CCDC171: variants seen among roughly 807,000 people sequenced by gnomAD.
CCDC171 encodes coiled-coil domain-containing protein 171.
A neutral mutation model predicts 168.2 loss-of-function variants in CCDC171; 177 were observed. The ratio of observed to expected loss-of-function variants is 1.05; its 90% CI spans 0.93 to 1.19. CCDC171 has a LOEUF of 1.19. Among genes scored for constraint, CCDC171 ranks in the 50% most tolerant of loss-of-function variants. CCDC171 has a pLI of 0.00. For missense variants in CCDC171, 1,991 were observed against 1,539.0 expected, an observed-to-expected ratio of 1.29 and a Z score of -4.91; for synonymous variants, 687 against 540.8, an observed-to-expected ratio of 1.27 and a Z score of -3.75.
chr9:15,890,903 A>G (rs545874560), intron 24 of CCDC171, among the ~76,000 whole-genome samples: 39 of 152,246 alleles, frequency 2.6e-4, no homozygotes, highest in African/African-American at 8.2e-4. Context: ...TCCCAAACCA[A>G]TTTGCTGTAT....
At chr9:15,923,055 T>G (rs1564006916) in intron 25 of CCDC171, among the ~76,000 whole-genome samples, 1 of 151,612 alleles carries the variant, frequency 6.6e-6, no homozygotes, top group African/African-American at 2.4e-5. Flanking sequence ...GCAGAGCTTT[T>G]TAGTTTGATT....
At chr9:15,721,906 A>G (rs1302932758) in intron 12 of CCDC171, 31 bp downstream of exon 12, 1 of 1,245,126 alleles carries the variant, frequency 8.0e-7, no homozygotes, top group Admixed American at 2.3e-5. Flanking sequence ...CTCCACACAT[A>G]TAGCCTTCGG....
chr9:15,894,536 G>T (rs1820649737), intron 24 of CCDC171, among the ~76,000 whole-genome samples: 1 of 151,944 alleles, frequency 6.6e-6, no homozygotes, highest in Admixed American at 6.6e-5. Flanking sequence ...TCTCACTTTG[G>T]CCTTGGGCTC....
intron 3 of CCDC171, among the ~76,000 whole-genome samples, chr9:16,016,709 G>T (rs923507093): frequency 6.6e-6 from 1 of 152,040 alleles, no homozygotes; most frequent in African/African-American, 2.4e-5. Context: ...TTGCCACTTG[G>T]GTCTGCAGAG....
chr9:15,664,567 T>TACACACACACACACACACACACACAC (rs34252519), intron 8 of CCDC171, among the ~76,000 whole-genome samples: 2,280 of 144,004 alleles, frequency 0.016, 46 homozygotes, highest in East Asian at 0.047. Flanking sequence ...CTTAAATTTA[T>TACACACACACACACACACACACACAC]ACACACACAC....
intron 18 of CCDC171, among the ~76,000 whole-genome samples, chr9:15,769,994 A>T (rs1174232892): frequency 6.6e-6 from 1 of 152,200 alleles, no homozygotes; most frequent in Non-Finnish European, 1.5e-5. Context: ...CTAGCCAAAG[A>T]TGAACTCATT....
At chr9:16,025,658 A>T in intron 6 of CCDC171, among the ~76,000 whole-genome samples, 1 of 152,244 alleles carries the variant, frequency 6.6e-6, no homozygotes, top group East Asian at 1.9e-4. Flanking sequence ...TGAACCTTGG[A>T]AACACTAAGC....
chr9:16,102,191 ACAGT>A, the CCDC171 span, among the ~76,000 whole-genome samples: 1 of 152,144 alleles, frequency 6.6e-6, no homozygotes, highest in Non-Finnish European at 1.5e-5. Flanking sequence ...AGCCTCCTCC[ACAGT>A]CAAAGAGCAG....
At chr9:15,699,781 C>G (rs1364232875) in intron 11 of CCDC171, among the ~76,000 whole-genome samples, 1 of 152,180 alleles carries the variant, frequency 6.6e-6, no homozygotes, top group East Asian at 1.9e-4. Flanking sequence ...CATAAAGGTT[C>G]TCCAAGGTCC....
At chr9:15,853,533 G>A (rs565232845) in intron 23 of CCDC171, among the ~76,000 whole-genome samples, 5 of 151,578 alleles carry the variant, frequency 3.3e-5, no homozygotes, top group African/African-American at 1.2e-4. Flanking sequence ...GTAAGATTAT[G>A]TTATCTATGA....
intron 7 of CCDC171, among the ~76,000 whole-genome samples, chr9:15,646,563 C>G (rs372639021): frequency 6.6e-6 from 1 of 151,960 alleles, no homozygotes; most frequent in South Asian, 2.1e-4. Context: ...GAAGATCTAC[C>G]AAGAAAATGG....
intron 25 of CCDC171, among the ~76,000 whole-genome samples, chr9:15,964,211 A>T (rs1830594093): frequency 6.6e-6 from 1 of 152,124 alleles, no homozygotes; most frequent in African/African-American, 2.4e-5. Context: ...TAAATATGCT[A>T]CCCTCAGCCT....
intron 9 of CCDC171, among the ~76,000 whole-genome samples, chr9:15,668,604 A>G (rs938854238): frequency 6.6e-6 from 1 of 152,106 alleles, no homozygotes; most frequent in African/African-American, 2.4e-5. Context: ...AAACCCAATA[A>G]TCACTGAAAA....
chr9:15,906,541 C>T (rs1182865215), intron 24 of CCDC171, among the ~76,000 whole-genome samples: 2 of 152,150 alleles, frequency 1.3e-5, no homozygotes, highest in East Asian at 1.9e-4. Context: ...TAAGAGCTAT[C>T]TATGACAAAC....
intron 3 of CCDC171, among the ~76,000 whole-genome samples, chr9:16,001,233 AT>A (rs1832533747): frequency 2.0e-5 from 3 of 152,042 alleles, no homozygotes; most frequent in Non-Finnish European, 4.4e-5. Flanking sequence ...GTGCTGATGG[AT>A]TTTTCATGCC....
At chr9:16,077,282 C>T in the CCDC171 span, among the ~76,000 whole-genome samples, 1 of 152,084 alleles carries the variant, frequency 6.6e-6, no homozygotes, top group Admixed American at 6.6e-5. Flanking sequence ...ACATGGTGGG[C>T]AAATAAGCCA....
intron 4 of CCDC171, 31 bp from the exon 5 acceptor site, chr9:15,591,335 G>T (rs1203242126): frequency 6.5e-6 from 9 of 1,384,466 alleles, no homozygotes; most frequent in Admixed American, 4.7e-5. Context: ...ATTCATGGTT[G>T]TAAATGTACC....
At chr9:15,803,269 C>A (rs147168868) in intron 21 of CCDC171, among the ~76,000 whole-genome samples, 1 of 152,062 alleles carries the variant, frequency 6.6e-6, no homozygotes, top group African/African-American at 2.4e-5. Flanking sequence ...TTAGTTAGAT[C>A]CCATTTGTTA....
chr9:15,585,652 T>G (rs1327671056), intron 4 of CCDC171, among the ~76,000 whole-genome samples: 1 of 152,184 alleles, frequency 6.6e-6, no homozygotes, highest in African/African-American at 2.4e-5. Context: ...TGTTCTGTAT[T>G]TTGATAGGTG....
Sources: allele counts gnomAD v4.1 joint callset (sites outside exome capture counted in the v4.1 genomes callset), GRCh38; gene constraint gnomAD v4.1.1; transcripts MANE v1.5; gene names NCBI Gene and HGNC (gene_info 2026-07-23, HGNC 2026-07-21).